Variants in TOX observed in about 807,000 individuals in gnomAD.
TOX encodes thymocyte selection-associated high mobility group box protein TOX.
In TOX, 11 loss-of-function variants were observed where a neutral mutation model predicts 53.7. The observed-to-expected ratio is 0.20, with a 90% CI of 0.13 to 0.34. The LOEUF (loss-of-function observed/expected upper bound fraction) is 0.34. Ranked by LOEUF, TOX falls within the 10% of genes least tolerant of loss-of-function variation. The pLI, the probability that TOX is intolerant of heterozygous loss-of-function variation, is 1.00. For synonymous variants in TOX, 225 were observed against 245.3 expected (o/e 0.92, Z 0.77); for missense variants, 570 against 664.6 (o/e 0.86, Z 1.56).
intron 5 of TOX, among the ~76,000 whole-genome samples, chr8:58,827,823 A>C (rs1585847072): frequency 6.6e-6 from 1 of 152,252 alleles, no homozygotes; most frequent in East Asian, 1.9e-4. Context: ...GCTCTCTGCT[A>C]CCATTAAGTT....
At chr8:59,101,717 T>C (rs1463435145) in intron 1 of TOX, among the ~76,000 whole-genome samples, 1 of 152,222 alleles carries the variant, frequency 6.6e-6, no homozygotes, top group Non-Finnish European at 1.5e-5. Context: ...TATTTACACA[T>C]GTCCATTTAA....
chr8:58,909,660 CTTT>C (rs34509406), intron 3 of TOX, among the ~76,000 whole-genome samples: 7 of 142,976 alleles, frequency 4.9e-5, no homozygotes, highest in African/African-American at 7.6e-5. Context: ...CTCTCTCTCT[CTTT>C]TTTTTTTTTT....
intron 1 of TOX, among the ~76,000 whole-genome samples, chr8:59,015,958 T>G (rs150780966): frequency 3.5e-4 from 53 of 152,308 alleles, no homozygotes; most frequent in African/African-American, 1.3e-3. Flanking sequence ...CTAATCTTTT[T>G]TCCCCCAGCT....
chr8:58,963,777 G>A (rs1812841956), intron 1 of TOX, among the ~76,000 whole-genome samples: 1 of 152,188 alleles, frequency 6.6e-6, no homozygotes, highest in Admixed American at 6.5e-5. Context: ...TTTGTTGGGG[G>A]ATTGATTCCA....
intron 7 of TOX, among the ~76,000 whole-genome samples, chr8:58,811,920 T>C (rs1240144293): frequency 1.3e-5 from 2 of 152,226 alleles, no homozygotes; most frequent in African/African-American, 4.8e-5. Flanking sequence ...ACATTCATTT[T>C]CAAAAGGATA....
intron 1 of TOX, among the ~76,000 whole-genome samples, chr8:59,057,280 G>GA (rs1021288185): frequency 2.5e-4 from 38 of 151,342 alleles, no homozygotes; most frequent in Non-Finnish European, 3.7e-4. Context: ...ATATCTTGTA[G>GA]AAAAAAAAAT....
chr8:58,836,238 C>T (rs890223738), intron 5 of TOX, among the ~76,000 whole-genome samples: 4 of 152,162 alleles, frequency 2.6e-5, no homozygotes, highest in Non-Finnish European at 4.4e-5. Flanking sequence ...CTTAGTTTCT[C>T]ATTCAGTGAG....
chr8:58,832,142 A>T (rs1225872034), intron 5 of TOX, among the ~76,000 whole-genome samples: 1 of 144,610 alleles, frequency 6.9e-6, no homozygotes, highest in Non-Finnish European at 1.5e-5. Flanking sequence ...TATATATAAT[A>T]TATGTAATAT....
intron 4 of TOX, among the ~76,000 whole-genome samples, chr8:58,847,307 T>C (rs1265909081): frequency 6.6e-6 from 1 of 151,900 alleles, no homozygotes; most frequent in Non-Finnish European, 1.5e-5. Flanking sequence ...CTTACAAGAA[T>C]AAAAGAGATT....
chr8:58,945,659 C>A (rs762518863), intron 2 of TOX, among the ~76,000 whole-genome samples: 1 of 152,152 alleles, frequency 6.6e-6, no homozygotes, highest in Non-Finnish European at 1.5e-5. Flanking sequence ...TTTGCTACAG[C>A]CAGTTCCTAT....
intron 1 of TOX, among the ~76,000 whole-genome samples, chr8:59,012,928 A>AG (rs1813936128): frequency 6.6e-6 from 1 of 152,152 alleles, no homozygotes; most frequent in African/African-American, 2.4e-5. Flanking sequence ...GGTTAAAAAA[A>AG]AAAAAAAAAG....
chr8:59,071,107 C>G (rs1015169860), intron 1 of TOX, among the ~76,000 whole-genome samples: 3 of 152,100 alleles, frequency 2.0e-5, no homozygotes, highest in Admixed American at 6.5e-5. Context: ...CTACAATAAT[C>G]GTGAAAAGCT....
Position 58,968,914 on chromosome 8 carries a change from C to T in TOX, c.103-8906G>A, listed in dbSNP as rs896107368. On this transcript the variant is annotated intron_variant, in intron 1 of 8. Coordinates refer to ENST00000361421, the MANE Select transcript of TOX (RefSeq NM_014729.3). ...TAGGTGACCACTGAGTGGGTTGAAA[C>T]GGTAAAACTTTTTTAAAAAACCAAG... is the stretch of plus-strand genomic sequence containing the variant. Among the ~76,000 whole-genome samples, 7 of 152,108 alleles carry T rather than the reference C, an allele frequency of 4.6e-5. No homozygotes were observed. In the South Asian group the frequency reaches 8.3e-4, roughly 18 times the overall value.
At chr8:59,045,741 T>C (rs1803670417) in intron 1 of TOX, among the ~76,000 whole-genome samples, 1 of 152,196 alleles carries the variant, frequency 6.6e-6, no homozygotes, top group Non-Finnish European at 1.5e-5. Context: ...CTGAAAAAAC[T>C]AGTGGTCTCT....
chr8:59,032,362 T>G (rs965641450), intron 1 of TOX, among the ~76,000 whole-genome samples: 7 of 152,260 alleles, frequency 4.6e-5, no homozygotes, highest in Non-Finnish European at 1.0e-4. Context: ...TAATATTTAC[T>G]ATTATATTAA....
chr8:58,914,302 G>A (rs761868999), intron 3 of TOX, among the ~76,000 whole-genome samples: 13 of 152,182 alleles, frequency 8.5e-5, no homozygotes, highest in South Asian at 8.3e-4. Context: ...AGTGAGCCAT[G>A]TAATTTTCAG....
rs149881400 is a variant in TOX at position 58,896,180 on chromosome 8, C to T, written c.411+43122G>A. Among the ~76,000 whole-genome samples the T allele has an allele frequency of 8.6e-3, 1,306 of 152,180 alleles. 11 individuals carry two copies. The highest frequency in any genetic ancestry group is 0.03 in the African/African-American group (1,238 of 41,516). On this transcript the variant is annotated intron_variant, in intron 3 of 8. Coordinates refer to ENST00000361421, the MANE Select transcript of TOX (RefSeq NM_014729.3). Reference sequence around the variant, plus strand: ...ATCTTCCAGTCCTGACACAGACAGACGAATCAGGCCATGGCCAGCCCACAT... The same window carrying T: ...ATCTTCCAGTCCTGACACAGACAGATGAATCAGGCCATGGCCAGCCCACAT...
intron 5 of TOX, among the ~76,000 whole-genome samples, chr8:58,829,819 G>A (rs1403681956): frequency 3.3e-5 from 5 of 152,002 alleles, no homozygotes; most frequent in Admixed American, 6.6e-5. Flanking sequence ...TGAAGTAGGG[G>A]AAATCCTTTA....
chr8:58,914,369 C>T (rs1811964254), intron 3 of TOX, among the ~76,000 whole-genome samples: 1 of 152,208 alleles, frequency 6.6e-6, no homozygotes, highest in Non-Finnish European at 1.5e-5. Flanking sequence ...AATAGGTAGA[C>T]TCCCTATTTC....
Sources: gnomAD v4.1 joint callset for allele counts (sites outside exome capture counted in the v4.1 genomes callset) on GRCh38, gnomAD v4.1.1 for gene constraint, MANE v1.5 for transcripts, NCBI Gene and HGNC (gene_info 2026-07-23, HGNC 2026-07-21) for gene names.